The following IL6ST variants were observed in gnomAD, a reference collection of about 807,000 sequenced individuals.
IL6ST encodes interleukin-6 receptor subunit beta.
Under a neutral mutation model 91.3 loss-of-function variants are expected in IL6ST, and 24 were observed. The observed-to-expected ratio is 0.26, with a 90% confidence interval of 0.19 to 0.37. IL6ST has a LOEUF of 0.37. IL6ST is among the 10% of genes least tolerant of loss of function. IL6ST has a pLI of 1.00. For missense variants in IL6ST, 914 were observed against 1,078.5 expected (o/e 0.85, Z 2.14); for synonymous variants, 351 against 373.6 (o/e 0.94, Z 0.70).
chr5:55,966,993 G>A (rs1752669253), intron 5 of IL6ST, among the ~76,000 whole-genome samples: 1 of 151,466 alleles, frequency 6.6e-6, no homozygotes, highest in Admixed American at 6.6e-5. Context: ...GAAATCTGTA[G>A]ATCTAAAAGC....
Position 55,982,719 on chromosome 5 carries a change from C to G in IL6ST, c.-16+5G>C. 2.5e-6 allele frequency: 1 copy of G among 398,298 alleles called. No homozygotes were observed. Among genetic ancestry groups the G allele is most frequent in the Non-Finnish European group, 4.4e-6 (1 of 225,910 alleles). 24.7% of individuals were successfully genotyped at this position (398,298 alleles called of 1,614,324 possible). The stretch of plus-strand genomic sequence containing the variant: ...CAAAAAATTCAGACAAGATCAATTA[C>G]TTACCCAAATCACAAAATTAGTAAG... On this transcript the variant is annotated splice_donor_5th_base_variant and intron_variant, in intron 2 of 16. Transcript: ENST00000381298.
rs6888985 is a variant in IL6ST, at chr5:55,937,041, C to T, written c.*4041G>A. On this transcript the variant is annotated 3_prime_UTR_variant, in exon 17 of 17. Coordinates refer to ENST00000381298, the MANE Select transcript of IL6ST (RefSeq NM_002184.4). Reference sequence around the variant, plus strand: ...TTTCAAATATCTACCTTTGAAATATCCCTTTGTTTCTAACACATCACATTA... The same window carrying T: ...TTTCAAATATCTACCTTTGAAATATTCCTTTGTTTCTAACACATCACATTA... 2,292 of 200,818 alleles carry T rather than the reference C, an allele frequency of 0.011. 57 individuals are homozygous for T. Among genetic ancestry groups the T allele is most frequent in the African/African-American group, 0.049 (2,146 of 43,702 alleles). The allele number at this position is 200,818 out of a possible 1,614,324, so 12.4% of individuals were successfully genotyped here.
chr5:55,964,220 T>C lies in IL6ST; in HGVS notation c.584A>G (p.Glu195Gly). The C allele has an allele frequency of 6.2e-7, 1 of 1,610,888 alleles. No homozygotes were observed. The highest frequency in any genetic ancestry group is 8.5e-7 in the Non-Finnish European group (1 of 1,177,804). Residue 195 changes from glutamate to glycine, a missense_variant, in exon 6 of 17, where the codon GAA becomes GGA. Physicochemically the swap from Glu to Gly is moderately conservative, Grantham distance 98. Transcript: ENST00000381298. ...DYSTVYFVNI[E>G]VWVEAENALG... ...GGCATTCTCTGCTTCTACCCAGACTTCAATGTTGACAAAATACACAGTAGA... is the reference window on the plus strand; with the variant it reads ...GGCATTCTCTGCTTCTACCCAGACTCCAATGTTGACAAAATACACAGTAGA...
intron 1 of IL6ST, among the ~76,000 whole-genome samples, chr5:55,985,470 G>C (rs1263999430): frequency 1.3e-5 from 2 of 150,592 alleles, no homozygotes; most frequent in East Asian, 3.9e-4. Context: ...CAAGTGAGCA[G>C]AGATAGCACC....
chr5:55,983,209 G>A lies in IL6ST; in HGVS notation c.-103-398C>T, dbSNP rs534335221. 2.0e-5 allele frequency among the ~76,000 whole-genome samples: 3 copies of A among 152,136 alleles called. No homozygotes were observed. In the East Asian group the frequency reaches 5.8e-4, roughly 29 times the overall value. The stretch of plus-strand genomic sequence containing the variant: ...AGATAGTGTTTTGCCATGTTGCCCA[G>A]GCTGAGCTCAAAGGGATCTGCCCAC... On this transcript the variant is annotated intron_variant, in intron 1 of 16. Transcript: ENST00000381298.
At chr5:55,965,383 C>T (rs1351207717) in intron 5 of IL6ST, among the ~76,000 whole-genome samples, 1 of 152,060 alleles carries the variant, frequency 6.6e-6, no homozygotes, top group Non-Finnish European at 1.5e-5. Flanking sequence ...TATGTAAAAA[C>T]CTATAGCCCT....
In IL6ST at chr5:55,940,108, T is replaced by G; in HGVS notation, c.*974A>C. 1 of 166,556 alleles carries G rather than the reference T, an allele frequency of 6.0e-6. No homozygotes were observed. Among genetic ancestry groups the G allele is most frequent in the Non-Finnish European group, 1.2e-5 (1 of 82,214 alleles). 10.3% of individuals were successfully genotyped at this position (166,556 alleles called of 1,614,324 possible). ...TCATCTACCCAGTACTCTGAAGTCT[T>G]AAGAAAAGTCAATGATATGTGTGTG... is the stretch of plus-strand genomic sequence containing the variant. On this transcript the variant is annotated 3_prime_UTR_variant, in exon 17 of 17. Coordinates refer to ENST00000381298, the MANE Select transcript of IL6ST (RefSeq NM_002184.4).
chr5:55,955,109 G>T, intron 10 of IL6ST, 117 bp from the exon 11 acceptor site: 1 of 703,936 alleles, frequency 1.4e-6, no homozygotes, highest in African/African-American at 1.8e-5. Flanking sequence ...ATACTTCCTT[G>T]CCTAAAAGCA....
At position 55,969,686 on chromosome 5, in the gene IL6ST, T is replaced by C. The variant is rs2111813680; in HGVS notation, c.234A>G (p.Gln78=). The C allele has an allele frequency of 6.2e-7, 1 of 1,612,568 alleles. No homozygotes were observed. Residue 78 remains glutamine, a synonymous_variant, in exon 4 of 17, where the codon CAA becomes CAG. Transcript: ENST00000381298. ...KTNHFTIPKE[Q]YTIINRTASS... The stretch of plus-strand genomic sequence containing the variant: ...ATGCTGTTCTGTTTATGATAGTATA[T>C]TGCTCCTTAGGAATAGTAAAATGGT...
At chr5:55,958,522 A>G (rs1003160396) in intron 8 of IL6ST, among the ~76,000 whole-genome samples, 4 of 152,172 alleles carry the variant, frequency 2.6e-5, no homozygotes, top group Non-Finnish European at 5.9e-5. Flanking sequence ...AGTCAGTAGA[A>G]TAAGACAGGA....
At chr5:55,958,414 TATC>T (rs1309348621) in intron 8 of IL6ST, among the ~76,000 whole-genome samples, 1 of 152,196 alleles carries the variant, frequency 6.6e-6, no homozygotes, top group Non-Finnish European at 1.5e-5. Context: ...CATTTTTACT[TATC>T]ATTGTTAAGC....
intron 3 of IL6ST, among the ~76,000 whole-genome samples, chr5:55,973,846 AAATTAGCAGAGG>A (rs1195358491): frequency 6.6e-6 from 1 of 152,224 alleles, no homozygotes; most frequent in Non-Finnish European, 1.5e-5. Context: ...CATGCTTATC[AAATTAGCAGAGG>A]ACAGGACTAC....
chr5:55,988,965 T>TA (rs1169888123), intron 1 of IL6ST, among the ~76,000 whole-genome samples: 184 of 136,730 alleles, frequency 1.3e-3, no homozygotes, highest in Admixed American at 2.7e-3. Context: ...AAAAAAAAAA[T>TA]AAAAAAAAAA....
rs1273208589 is a variant in IL6ST at position 55,937,575 on chromosome 5, A to T, written c.*3507T>A. On this transcript the variant is annotated 3_prime_UTR_variant, in exon 17 of 17. Coordinates refer to ENST00000381298, the MANE Select transcript of IL6ST (RefSeq NM_002184.4). ...GACTGCTAGTTCATACCTTCTTTGA[A>T]ATCAATGACAATGTCCAATTTTAGG... 2 of 202,696 alleles carry T rather than the reference A, an allele frequency of 9.9e-6. No homozygotes were observed. The highest frequency in any genetic ancestry group is 1.2e-4 in the Admixed American group (2 of 16,732). The allele number at this position is 202,696 out of a possible 1,614,324, so 12.6% of individuals were successfully genotyped here.
chr5:55,952,088 G>A lies in IL6ST; in HGVS notation c.1553-13C>T. The A allele has an allele frequency of 6.2e-7, 1 of 1,601,896 alleles. No individual in the cohort carries two copies. The stretch of plus-strand genomic sequence containing the variant: ...CCTTTGGAAGGTGCTGTAACAGAGT[G>A]AACACATTTGCTAACTGAAAATCAT... On this transcript the variant is annotated splice_polypyrimidine_tract_variant and intron_variant, in intron 12 of 16. Transcript: ENST00000381298.
intron 15 of IL6ST, among the ~76,000 whole-genome samples, chr5:55,947,265 G>C (rs1751324149): frequency 6.6e-6 from 1 of 152,102 alleles, no homozygotes; most frequent in African/African-American, 2.4e-5. Flanking sequence ...GCAGATCAAT[G>C]ACTGCCTGGG....
intron 1 of IL6ST, among the ~76,000 whole-genome samples, chr5:55,985,146 T>C (rs1044310443): frequency 2.0e-5 from 3 of 152,236 alleles, no homozygotes; most frequent in South Asian, 2.1e-4. Flanking sequence ...TTTTGACGAA[T>C]AGGAGGTTTA....
At chr5:55,946,965 G>A (rs1028841083) in intron 15 of IL6ST, among the ~76,000 whole-genome samples, 49 of 151,504 alleles carry the variant, frequency 3.2e-4, no homozygotes, top group African/African-American at 1.1e-3. Flanking sequence ...CAGCACTTTG[G>A]GAGGCTGAGG....
chr5:55,960,964 T>A (rs544863723), intron 7 of IL6ST, among the ~76,000 whole-genome samples: 1 of 152,048 alleles, frequency 6.6e-6, no homozygotes, highest in Non-Finnish European at 1.5e-5. Context: ...AGAGTCTCCC[T>A]CTGTCGCCCA....
Sources: allele counts gnomAD v4.1 joint callset (sites outside exome capture counted in the v4.1 genomes callset), GRCh38; gene constraint gnomAD v4.1.1; transcripts MANE v1.5; gene names NCBI Gene and HGNC (gene_info 2026-07-23, HGNC 2026-07-21).